The following MYH11 variants were observed in gnomAD, a reference collection of about 807,000 sequenced individuals.
The protein encoded by MYH11 is myosin heavy chain 11, also known as myosin-11.
In MYH11, 80 loss-of-function variants were observed where a neutral mutation model predicts 246.6. That is an observed-to-expected ratio of 0.32 (90% CI 0.27 to 0.39). The LOEUF (loss-of-function observed/expected upper bound fraction) is 0.39. Among genes scored for constraint, MYH11 ranks in the 10% least tolerant of loss-of-function variants. MYH11 has a pLI of 1.00. For synonymous variants in MYH11, 1,071 were observed against 1,015.5 expected (o/e 1.05, Z -1.04); for missense variants, 2,158 against 2,546.8 (o/e 0.85, Z 3.29).
chr16:15,760,255 G>A (rs1204169598), intron 11 of MYH11, among the ~76,000 whole-genome samples: 1 of 151,972 alleles, frequency 6.6e-6, no homozygotes, highest in Non-Finnish European at 1.5e-5. Flanking sequence ...ATGGATGGAC[G>A]GACAGATGGA....
Position 15,715,074 on chromosome 16 carries a change from T to G in MYH11, c.5621A>C (p.Lys1874Thr), listed in dbSNP as rs2151192258. 6.2e-7 allele frequency: 1 copy of G among 1,613,254 alleles called. No individual in the cohort carries two copies. Among genetic ancestry groups the G allele is most frequent in the East Asian group, 2.2e-5 (1 of 44,866 alleles). The change falls in exon 40 of 41, where the codon AAA becomes ACA. Residue 1874 changes from lysine to threonine, a missense_variant. Around this residue, in one of 11 missense-constraint regions of MYH11, gnomAD observed 1,013 missense variants for 993.5 expected, o/e 1.02. Transcript: ENST00000300036. ...GAGCTGCTTGACCCTGGCATTGCCT[T>G]TCTCTGCCTGTCGCGGAGAGTTGGA... ...MAEQYKEQAE[K>T]GNARVKQLKR...
chr16:15,798,758 C>A, intron 3 of MYH11, 71 bp from the exon 4 acceptor site: 3 of 1,463,960 alleles, frequency 2.0e-6, no homozygotes, highest in Non-Finnish European at 2.8e-6. Flanking sequence ...GGACTTGGCT[C>A]CTCCCAGGGC....
intron 3 of MYH11, among the ~76,000 whole-genome samples, chr16:15,806,053 C>A (rs2043003238): frequency 6.6e-6 from 1 of 151,552 alleles, no homozygotes; most frequent in Non-Finnish European, 1.5e-5. Context: ...CTGAGGTGGG[C>A]AGATCACGAG....
intron 27 of MYH11, among the ~76,000 whole-genome samples, chr16:15,731,038 T>C (rs2151233267): frequency 6.6e-6 from 1 of 152,230 alleles, no homozygotes; most frequent in African/African-American, 2.4e-5. Context: ...GCCCAGGCGA[T>C]CTGAAAGTCC....
intron 2 of MYH11, among the ~76,000 whole-genome samples, chr16:15,837,385 G>C (rs936190202): frequency 1.3e-5 from 2 of 152,162 alleles, no homozygotes; most frequent in Non-Finnish European, 2.9e-5. Context: ...CCTCCTGTCT[G>C]TAATGAGGGT....
chr16:15,721,434 G>A lies in MYH11; in HGVS notation c.4566C>T (p.Asp1522=), dbSNP rs756552090. 30 of 1,614,022 alleles carry A rather than the reference G, an allele frequency of 1.9e-5. No individual in the cohort carries two copies. The highest frequency in any genetic ancestry group is 3.3e-5 in the South Asian group (3 of 91,084). The change falls in exon 32 of 41, where the codon GAC becomes GAT. Residue 1522 remains aspartate (D), a synonymous_variant. Coordinates refer to ENST00000300036, the MANE Select transcript of MYH11 (RefSeq NM_002474.3). ...EMEDLVSSKD[D]VGKNVHELEK... ...CAGAGCCACTTACGTTCTTGCCCAC[G>A]TCATCCTTGGAGCTGACCAGGTCTT...
chr16:15,758,067 C>T, intron 12 of MYH11, 67 bp from the exon 13 acceptor site: 1 of 1,608,010 alleles, frequency 6.2e-7, no homozygotes, highest in Non-Finnish European at 8.5e-7. Flanking sequence ...AGGAGCCCCA[C>T]AGAAGCTCCA....
chr16:15,705,648 A>G (rs953783331), intron 40 of MYH11, among the ~76,000 whole-genome samples: 5 of 152,140 alleles, frequency 3.3e-5, no homozygotes, highest in African/African-American at 4.8e-5. Flanking sequence ...ATAAGAAGCC[A>G]TAAGGATGAA....
chr16:15,711,910 C>T (rs902337150), intron 40 of MYH11, among the ~76,000 whole-genome samples: 4 of 152,144 alleles, frequency 2.6e-5, no homozygotes, highest in African/African-American at 9.7e-5. Context: ...TCAGGCTGGC[C>T]TTGAACTCCT....
At chr16:15,731,608 C>T (rs1317818981) in intron 27 of MYH11, among the ~76,000 whole-genome samples, 1 of 151,966 alleles carries the variant, frequency 6.6e-6, no homozygotes, top group Non-Finnish European at 1.5e-5. Flanking sequence ...TGTCCTGCCT[C>T]AGCCTCCCGA....
intron 40 of MYH11, 24 bp downstream of exon 40, chr16:15,714,885 C>T (rs780582829): frequency 2.5e-6 from 4 of 1,612,382 alleles, no homozygotes; most frequent in Non-Finnish European, 3.4e-6. Context: ...GAGACGGGGT[C>T]CTCCCGGGCC....
chr16:15,729,231 C>T (rs1019367553), intron 27 of MYH11, among the ~76,000 whole-genome samples: 2 of 152,084 alleles, frequency 1.3e-5, no homozygotes, highest in Non-Finnish European at 2.9e-5. Flanking sequence ...CGCACGAGGG[C>T]CTGGGGAGCC....
intron 23 of MYH11, 63 bp downstream of exon 23, chr16:15,739,988 T>C (rs2041225587): frequency 1.9e-6 from 3 of 1,570,202 alleles, no homozygotes; most frequent in Admixed American, 1.7e-5. Context: ...GTGATCCACA[T>C]ACCTTGGCCT....
At chr16:15,848,294 G>T (rs1427334853) in intron 1 of MYH11, among the ~76,000 whole-genome samples, 1 of 139,370 alleles carries the variant, frequency 7.2e-6, no homozygotes, top group South Asian at 2.3e-4. Context: ...GTGCAGTGAC[G>T]CAATCTCAGC....
At chr16:15,709,815 C>G (rs922369858) in intron 40 of MYH11, among the ~76,000 whole-genome samples, 1 of 152,176 alleles carries the variant, frequency 6.6e-6, no homozygotes, top group Non-Finnish European at 1.5e-5. Context: ...TGATTACTTG[C>G]TCTTCATTAG....
chr16:15,832,845 T>C (rs2043776109), intron 2 of MYH11, among the ~76,000 whole-genome samples: 1 of 151,100 alleles, frequency 6.6e-6, no homozygotes, highest in African/African-American at 2.4e-5. Flanking sequence ...TCATAGGTAG[T>C]CACCCTGGCC....
At chr16:15,740,924 A>G (rs1369338091) in intron 22 of MYH11, among the ~76,000 whole-genome samples, 1 of 152,152 alleles carries the variant, frequency 6.6e-6, no homozygotes, top group East Asian at 1.9e-4. Context: ...GCCATATTGG[A>G]AGGACACTCA....
chr16:15,790,004 C>T (rs775324350), intron 4 of MYH11, among the ~76,000 whole-genome samples: 1 of 152,152 alleles, frequency 6.6e-6, no homozygotes, highest in Non-Finnish European at 1.5e-5. Context: ...TCACCTCCTC[C>T]CTTTTACAAC....
At chr16:15,780,224 G>A (rs2042315605) in intron 6 of MYH11, among the ~76,000 whole-genome samples, 1 of 152,128 alleles carries the variant, frequency 6.6e-6, no homozygotes, top group Non-Finnish European at 1.5e-5. Flanking sequence ...CATCTGCTAT[G>A]GAGATTTTGG....
Sources: gnomAD v4.1 joint callset for allele counts (sites outside exome capture counted in the v4.1 genomes callset) on GRCh38, gnomAD v4.1.1 for gene constraint, gnomAD v4.1.1 regional missense constraint, MANE v1.5 for transcripts, NCBI Gene and HGNC (gene_info 2026-07-23, HGNC 2026-07-21) for gene names.